The following ZAN variants were observed in gnomAD, a reference collection of about 807,000 sequenced individuals.
ZAN encodes the protein zonadhesin (gene/pseudogene).
Under a neutral mutation model 286.2 loss-of-function variants are expected in ZAN, and 260 were observed. The observed-to-expected ratio is 0.91, with a 90% CI of 0.82 to 1.01. ZAN has a LOEUF of 1.01. ZAN is among the 50% of genes least tolerant of loss of function. The probability of loss-of-function intolerance (pLI) is 0.00; values close to 1 mark genes in which losing one functional copy is unlikely to be tolerated. For missense variants in ZAN, 3,410 were observed against 3,639.2 expected (o/e 0.94, Z 1.62); for synonymous variants, 1,368 against 1,417.5 (o/e 0.97, Z 0.79).
At chr7:100,759,656 G>C (rs1809399507) in intron 17 of ZAN, 65 bp from the exon 18 acceptor site, 1 of 1,510,976 alleles carries the variant, frequency 6.6e-7, no homozygotes, top group Admixed American at 2.1e-5. Context: ...CAGGCTCAGG[G>C]CACTGCTCGC....
In ZAN at chr7:100,791,195, G is replaced by A. The variant is rs111559666; in HGVS notation, c.7529+82G>A. The A allele has an allele frequency of 8.1e-4, 1,219 of 1,505,594 alleles. 2 individuals carry two copies. The highest frequency in any genetic ancestry group is 1.0e-3 in the Non-Finnish European group (1,173 of 1,125,490). The allele number at this position is 1,505,594 out of a possible 1,614,324, so 93.3% of individuals were successfully genotyped here. A position where few individuals can be genotyped will look rare whatever the true frequency, so the allele number is the denominator to read the frequency against. On this transcript the variant is annotated intron_variant, in intron 40 of 47. Coordinates refer to ENST00000613979, the MANE Select transcript of ZAN (RefSeq NM_003386.3). ...TGGCCGCTAGCCCTCCTGTCCTCAG[G>A]AGAGGATGAAACTCCAGGGAGAGGG...
At chr7:100,787,408 C>A (rs895985821) in intron 37 of ZAN, among the ~76,000 whole-genome samples, 3 of 151,780 alleles carry the variant, frequency 2.0e-5, no homozygotes, top group Admixed American at 6.6e-5. Flanking sequence ...CAGAATAAGA[C>A]CCTGTCTCAA....
Position 100,738,888 on chromosome 7 carries a change from TCCCTCTCCCTCTCCCTCTCCCTCTCCC to T in ZAN, c.766+276_766+302del, listed in dbSNP as rs1807517571. Reference sequence around the variant, plus strand: ...CCTCTTCTTCTTCTCCCTCTCCCTCTCCCTCTCCCTCTCCCTCTCCCTCTCCCTCTCCCTCTCCCTCTCCCTCTCCCT... The same window carrying T: ...CCTCTTCTTCTTCTCCCTCTCCCTCTTCTCCCTCTCCCTCTCCCTCTCCCT... On this transcript the variant is annotated intron_variant, in intron 7 of 47. Coordinates refer to ENST00000613979, the MANE Select transcript of ZAN (RefSeq NM_003386.3). Among the ~76,000 whole-genome samples, 4 of 2,646 alleles carry T rather than the reference TCCCTCTCCCTCTCCCTCTCCCTCTCCC, an allele frequency of 1.5e-3. 1 individual carries two copies. Among genetic ancestry groups the T allele is most frequent in the Non-Finnish European group, 3.1e-3 (4 of 1,304 alleles). The allele number at this position is 2,646 out of a possible 152,430, so 1.7% of individuals were successfully genotyped here. A position where few individuals can be genotyped will look rare whatever the true frequency, so the allele number is the denominator to read the frequency against.
Position 100,766,660 on chromosome 7 carries a change from GC to G in ZAN, c.4609del (p.Gln1537LysfsTer15). The G allele has an allele frequency of 6.4e-7, 1 of 1,567,482 alleles. No homozygotes were observed. The highest frequency in any genetic ancestry group is 8.6e-7 in the Non-Finnish European group (1 of 1,156,284). ...GQQDGIYGCH[A>X]QGAATCTASG... ...ACAGGATGGTATCTATGGCTGCCATGCCCAAGGTGAGCCATCAGGGTGGAAG... is the reference window on the plus strand; with the variant it reads ...ACAGGATGGTATCTATGGCTGCCATGCCAAGGTGAGCCATCAGGGTGGAAG... On this transcript the variant is annotated frameshift_variant, in exon 24 of 48. Transcript: ENST00000613979. LOFTEE classifies it high-confidence loss of function.
chr7:100,760,776 G>A (rs990086517), intron 19 of ZAN, among the ~76,000 whole-genome samples: 1 of 152,186 alleles, frequency 6.6e-6, no homozygotes, highest in Non-Finnish European at 1.5e-5. Flanking sequence ...TACATGCTTT[G>A]GGAATGTGCT....
At chr7:100,792,990 AAAAAAAAG>A (rs1286894056) in intron 42 of ZAN, among the ~76,000 whole-genome samples, 3 of 141,876 alleles carry the variant, frequency 2.1e-5, no homozygotes, top group Admixed American at 7.2e-5. Flanking sequence ...CTCAAAAAAA[AAAAAAAAG>A]AAAGAAAGAA....
At chr7:100,748,659 T>TG (rs887793992) in intron 11 of ZAN, among the ~76,000 whole-genome samples, 189 bp downstream of exon 11, 11 of 152,216 alleles carry the variant, frequency 7.2e-5, no homozygotes, top group East Asian at 1.9e-4. Flanking sequence ...TTCTCAGGGC[T>TG]GGGGGGTCAC....
chr7:100,767,752 G>A (rs1810091733), intron 25 of ZAN, 79 bp from the exon 26 acceptor site: 7 of 1,481,788 alleles, frequency 4.7e-6, no homozygotes, highest in Non-Finnish European at 6.3e-6. Context: ...TGCTGGGTTT[G>A]CAGGCATGAG....
chr7:100,795,174 A>G (rs963335489), intron 44 of ZAN, 22 bp from the exon 45 acceptor site: 11 of 1,601,640 alleles, frequency 6.9e-6, no homozygotes, highest in Non-Finnish European at 8.5e-6. Context: ...CCCCCCTCCC[A>G]CAACCCTCTC....
chr7:100,759,932 T>G, intron 18 of ZAN, 87 bp downstream of exon 18: 1 of 1,502,990 alleles, frequency 6.7e-7, no homozygotes, highest in Non-Finnish European at 8.9e-7. Flanking sequence ...TTTCCACGGA[T>G]GGGGTTCAAC....
Position 100,775,551 on chromosome 7 carries a change from C to G in ZAN, c.6003C>G (p.Thr2001=), listed in dbSNP as rs1810709453. Residue 2001 remains threonine, a synonymous_variant, in exon 32 of 48, where the codon ACC becomes ACG. Transcript: ENST00000613979. ...TTGACATCTACGATGCCCAGGTCAC[C>G]CTGCAGAAGGGCCACCGTGTGCTAG... ...VYIDIYDAQV[T]LQKGHRVLIN... is the part of the protein sequence containing the mutation. 6.2e-7 allele frequency: 1 copy of G among 1,613,764 alleles called. No homozygotes were observed. Among genetic ancestry groups the G allele is most frequent in the South Asian group, 1.1e-5 (1 of 91,066 alleles).
At position 100,793,912 on chromosome 7, in the gene ZAN, G is replaced by A; in HGVS notation, c.7880G>A (p.Gly2627Glu). The A allele has an allele frequency of 3.1e-6, 5 of 1,613,954 alleles. No individual in the cohort carries two copies. The highest frequency in any genetic ancestry group is 3.4e-6 in the Non-Finnish European group (4 of 1,179,886). Residue 2627 changes from glycine to glutamate, a missense_variant, in exon 43 of 48, where the codon GGG (glycine) becomes GAG (glutamate). This residue lies in a region of ZAN where 1,289 missense variants were observed against 1,314.3 expected (regional missense o/e 0.98). Coordinates refer to ENST00000613979, the MANE Select transcript of ZAN (RefSeq NM_003386.3). Reference sequence around the variant, plus strand: ...CCTGGCAGACCCCGGGGACTGCGAGGGCCCCTGCGTGGAAGGCTGCGCCAG... The same window carrying A: ...CCTGGCAGACCCCGGGGACTGCGAGAGCCCCTGCGTGGAAGGCTGCGCCAG... ...CQPGRPRGLRGPLRGRLRQHP... is the reference protein window; with the variant it reads ...CQPGRPRGLREPLRGRLRQHP...
intron 12 of ZAN, 120 bp from the exon 13 acceptor site, chr7:100,751,062 G>A: frequency 7.4e-7 from 1 of 1,351,900 alleles, no homozygotes; most frequent in Non-Finnish European, 9.9e-7. Flanking sequence ...GGGCTGGACT[G>A]TTGAGGCTGG....
At chr7:100,751,597 TAGAA>T in intron 13 of ZAN, 111 bp from the exon 14 acceptor site, 1 of 1,150,404 alleles carries the variant, frequency 8.7e-7, no homozygotes. Context: ...GGTTTGGGAG[TAGAA>T]AGAGAGGTGT....
At chr7:100,742,760 G>T (rs1807889776) in intron 7 of ZAN, among the ~76,000 whole-genome samples, 1 of 62,554 alleles carries the variant, frequency 1.6e-5, no homozygotes, top group Admixed American at 1.5e-4. Flanking sequence ...GCAGGCTGAG[G>T]CAGGAGAATC....
chr7:100,744,490 CGGG>C (rs1273524980), intron 7 of ZAN, among the ~76,000 whole-genome samples: 1 of 150,894 alleles, frequency 6.6e-6, no homozygotes, highest in African/African-American at 2.4e-5. Flanking sequence ...TCCCAACACT[CGGG>C]AGGCTGAGGC....
At position 100,736,559 on chromosome 7, in the gene ZAN, A is replaced by G; in HGVS notation, c.183A>G (p.Glu61=). Residue 61 remains glutamate (E), a synonymous_variant, in exon 4 of 48, where the codon GAA becomes GAG. Transcript: ENST00000613979. ...GGTCCCAAGTGTCCGCAGACGATGA[A>G]GACTGGGTTCGAGCCAGTGGGCCCT... ...CDWSQVSADD[E]DWVRASGPSP... 1 of 1,523,330 alleles carries G rather than the reference A, an allele frequency of 6.6e-7. No homozygotes were observed. The highest frequency in any genetic ancestry group is 1.1e-5 in the South Asian group (1 of 88,830). 94.4% of individuals were successfully genotyped at this position (1,523,330 alleles called of 1,614,324 possible).
rs745935445 is a variant in ZAN at position 100,797,770 on chromosome 7, A to G, written c.*38A>G. Reference sequence around the variant, plus strand: ...TGAGCTGTCTTCAGACAAGAAGATTAAATAAATTTATATATTTATTTATTT... The same window carrying G: ...TGAGCTGTCTTCAGACAAGAAGATTGAATAAATTTATATATTTATTTATTT... On this transcript the variant is annotated 3_prime_UTR_variant, in exon 48 of 48. Transcript: ENST00000613979. 1.3e-5 allele frequency: 21 copies of G among 1,607,270 alleles called. No individual in the cohort carries two copies. The South Asian group carries it at 2.2e-4, about 17-fold the overall frequency.
rs747800395 is a variant in ZAN at position 100,766,983 on chromosome 7, C to G, written c.4613-27C>G. On this transcript the variant is annotated intron_variant, in intron 24 of 47. Transcript: ENST00000613979. ...GCTTCCGGGGCATGGAGGAGTGAGACTGTGAACTCCATCTTCTTCTCCACA... is the reference window on the plus strand; with the variant it reads ...GCTTCCGGGGCATGGAGGAGTGAGAGTGTGAACTCCATCTTCTTCTCCACA... The G allele has an allele frequency of 1.7e-5, 27 of 1,611,416 alleles. 1 individual carries two copies. Among genetic ancestry groups the G allele is most frequent in the Non-Finnish European group, 1.1e-5 (13 of 1,178,428 alleles).
Sources: allele counts gnomAD v4.1 joint callset (sites outside exome capture counted in the v4.1 genomes callset), GRCh38; gene constraint gnomAD v4.1.1; regional missense constraint gnomAD v4.1.1; transcripts MANE v1.5; gene names NCBI Gene and HGNC (gene_info 2026-07-23, HGNC 2026-07-21).